The following ZNF407 variants were observed in gnomAD, a reference collection of about 807,000 sequenced individuals.
ZNF407 encodes the protein zinc finger protein 407.
Under a neutral mutation model 131.2 loss-of-function variants are expected in ZNF407, and 17 were observed. The observed-to-expected ratio is 0.13, with a 90% confidence interval of 0.09 to 0.19. ZNF407 has a LOEUF of 0.19. Ranked by LOEUF, ZNF407 falls within the 10% of genes least tolerant of loss-of-function variation. The pLI is 1.00. For missense variants in ZNF407, 2,681 were observed against 2,830.6 expected, an observed-to-expected ratio of 0.95 and a Z score of 1.20; for synonymous variants, 1,156 against 1,062.0, an observed-to-expected ratio of 1.09 and a Z score of -1.72.
intron 4 of ZNF407, among the ~76,000 whole-genome samples, chr18:74,808,234 G>A (rs1298889955): frequency 3.3e-5 from 5 of 152,098 alleles, no homozygotes; most frequent in South Asian, 2.1e-4. Flanking sequence ...GGCTGGTCTC[G>A]AACTCCTGAC....
chr18:74,904,278 TC>T (rs1328772066), intron 7 of ZNF407, among the ~76,000 whole-genome samples: 1 of 152,240 alleles, frequency 6.6e-6, no homozygotes, highest in African/African-American at 2.4e-5. Flanking sequence ...AGGAAAATCT[TC>T]CAGTTGCTCT....
At chr18:74,844,547 C>G (rs1239571911) in intron 4 of ZNF407, among the ~76,000 whole-genome samples, 2 of 152,018 alleles carry the variant, frequency 1.3e-5, no homozygotes, top group Non-Finnish European at 2.9e-5. Flanking sequence ...TAAATTAATA[C>G]TTGTATTCAA....
intron 2 of ZNF407, among the ~76,000 whole-genome samples, chr18:74,636,843 G>A (rs142791284): frequency 6.6e-6 from 1 of 152,308 alleles, no homozygotes; most frequent in East Asian, 1.9e-4. Flanking sequence ...AAGTCCAAAT[G>A]CTTATTTGTC....
At chr18:74,723,237 C>A (rs1294444474) in intron 3 of ZNF407, among the ~76,000 whole-genome samples, 1 of 152,100 alleles carries the variant, frequency 6.6e-6, no homozygotes, top group Non-Finnish European at 1.5e-5. Context: ...ATGATTATAG[C>A]ATAATAGTGG....
At chr18:74,665,613 A>G (rs1985900141) in intron 3 of ZNF407, among the ~76,000 whole-genome samples, 1 of 152,216 alleles carries the variant, frequency 6.6e-6, no homozygotes, top group African/African-American at 2.4e-5. Context: ...GGCACCTTAT[A>G]GTCCCTGCCA....
chr18:74,974,449 G>C (rs1300023839), intron 8 of ZNF407, among the ~76,000 whole-genome samples: 1 of 152,132 alleles, frequency 6.6e-6, no homozygotes, highest in Admixed American at 6.5e-5. Flanking sequence ...TTTGAAGATG[G>C]CTGTAATGAC....
At chr18:74,993,546 G>A (rs1380861899) in intron 8 of ZNF407, among the ~76,000 whole-genome samples, 2 of 152,160 alleles carry the variant, frequency 1.3e-5, no homozygotes, top group East Asian at 3.8e-4. Context: ...TATTTGTGGT[G>A]GTGGTTACAA....
At chr18:74,940,568 AG>A (rs1196025437) in intron 8 of ZNF407, among the ~76,000 whole-genome samples, 16 of 152,190 alleles carry the variant, frequency 1.1e-4, no homozygotes, top group Non-Finnish European at 2.2e-4. Flanking sequence ...ACCAAGAAGA[AG>A]GGGAAACCAG....
At chr18:74,974,050 A>G (rs1972501171) in intron 8 of ZNF407, among the ~76,000 whole-genome samples, 1 of 152,206 alleles carries the variant, frequency 6.6e-6, no homozygotes, top group African/African-American at 2.4e-5. Context: ...ACATATGGCA[A>G]TTCAATTAAT....
intron 4 of ZNF407, among the ~76,000 whole-genome samples, chr18:74,854,315 T>A (rs1040797223): frequency 6.6e-6 from 1 of 152,248 alleles, no homozygotes; most frequent in Non-Finnish European, 1.5e-5. Context: ...ATTCTAATGT[T>A]CTTTGATTAT....
intron 3 of ZNF407, among the ~76,000 whole-genome samples, chr18:74,644,177 C>CTTT (rs34393480): frequency 1.7e-5 from 2 of 118,866 alleles, no homozygotes; most frequent in African/African-American, 6.2e-5. Flanking sequence ...TTGGGGGAAT[C>CTTT]TTTTTTTTTT....
Position 74,755,392 on chromosome 18 carries a change from G to A in ZNF407, c.4803-26036G>A, listed in dbSNP as rs191949952. ...GTGAATTTGATCCTGTCATTATGAT[G>A]TTAGCTGGTTATTTTGTTCGTTAGT... On this transcript the variant is annotated intron_variant, in intron 3 of 8. Coordinates refer to ENST00000299687, the MANE Select transcript of ZNF407 (RefSeq NM_017757.3). 7.4e-3 allele frequency among the ~76,000 whole-genome samples: 1,123 copies of A among 152,154 alleles called. 10 individuals are homozygous for A. The highest frequency in any genetic ancestry group is 0.026 in the African/African-American group (1,072 of 41,512).
chr18:74,844,189 C>T (rs1014672001), intron 4 of ZNF407, among the ~76,000 whole-genome samples: 3 of 152,016 alleles, frequency 2.0e-5, no homozygotes, highest in Non-Finnish European at 4.4e-5. Flanking sequence ...CTTGGCTGAG[C>T]CGTGCTTTTC....
chr18:74,634,521 T>G lies in ZNF407; in HGVS notation c.3502T>G (p.Phe1168Val). 1 of 1,613,872 alleles carries G rather than the reference T, an allele frequency of 6.2e-7. No homozygotes were observed. The highest frequency in any genetic ancestry group is 8.5e-7 in the Non-Finnish European group (1 of 1,179,902). ...FNEDHSFCETFQQAPVKDKVR... is the reference protein window; with the variant it reads ...FNEDHSFCETVQQAPVKDKVR... ...TGAAGACCATTCCTTTTGTGAGACT[T>G]TCCAACAGGCTCCTGTCAAGGATAA... is the stretch of plus-strand genomic sequence containing the variant. The change falls in exon 2 of 9, where the codon TTC (phenylalanine) becomes GTC (valine). Residue 1168 changes from phenylalanine (F) to valine (V), a missense_variant. Phe to Val is a conservative substitution (Grantham distance 50, BLOSUM62 -1). Transcript: ENST00000299687.
Position 74,632,192 on chromosome 18 carries a change from C to T in ZNF407, c.1173C>T (p.Leu391=). The change falls in exon 2 of 9, where the codon CTC becomes CTT. Residue 391 remains leucine, a synonymous_variant. Transcript: ENST00000299687. ...ACACCTTAGTAACCTCAGAGGGTCT[C>T]TTAGAGAAATTGGAATCTACAAAAA... The part of the protein sequence containing the change: ...KLDTLVTSEG[L]LEKLESTKNT... 4 of 1,613,924 alleles carry T rather than the reference C, an allele frequency of 2.5e-6. No individual in the cohort carries two copies. In the South Asian group the frequency reaches 3.3e-5, roughly 13 times the overall value.
At chr18:74,891,325 T>C (rs186659961) in intron 7 of ZNF407, among the ~76,000 whole-genome samples, 2 of 152,338 alleles carry the variant, frequency 1.3e-5, no homozygotes, top group East Asian at 3.9e-4. Context: ...TCGACCCACA[T>C]GATGGCGTGA....
chr18:74,764,969 G>A (rs1969194966), intron 3 of ZNF407, among the ~76,000 whole-genome samples: 1 of 152,172 alleles, frequency 6.6e-6, no homozygotes, highest in African/African-American at 2.4e-5. Flanking sequence ...CTGAGGAGAA[G>A]GAAAGCAGGA....
At chr18:74,849,321 G>A (rs567553126) in intron 4 of ZNF407, among the ~76,000 whole-genome samples, 1 of 151,902 alleles carries the variant, frequency 6.6e-6, no homozygotes, top group East Asian at 1.9e-4. Flanking sequence ...CTCGTGATCC[G>A]CCCGCCTGTG....
intron 8 of ZNF407, among the ~76,000 whole-genome samples, chr18:74,923,786 C>T (rs1057071478): frequency 3.9e-5 from 6 of 152,124 alleles, no homozygotes; most frequent in Non-Finnish European, 1.5e-5. Context: ...TTCTGCATTT[C>T]ATATTGGTAT....
Sources: allele counts gnomAD v4.1 joint callset (sites outside exome capture counted in the v4.1 genomes callset), GRCh38; gene constraint gnomAD v4.1.1; transcripts MANE v1.5; gene names NCBI Gene and HGNC (gene_info 2026-07-23, HGNC 2026-07-21).